The following MICAL3 variants were observed in gnomAD, a reference collection of about 807,000 sequenced individuals.
The protein encoded by MICAL3 is microtubule associated monooxygenase, calponin and LIM domain containing 3, also known as [F-actin]-monooxygenase MICAL3.
Under a neutral mutation model 207.4 loss-of-function variants are expected in MICAL3, and 62 were observed. That is an observed-to-expected ratio of 0.30 (90% CI 0.24 to 0.37). MICAL3 has a LOEUF of 0.37. MICAL3 is among the 10% of genes least tolerant of loss of function. The pLI, the probability that MICAL3 is intolerant of heterozygous loss-of-function variation, is 1.00. For missense variants in MICAL3, 2,368 were observed against 2,635.6 expected, an observed-to-expected ratio of 0.90 and a Z score of 2.22; for synonymous variants, 1,077 against 1,069.3, an observed-to-expected ratio of 1.01 and a Z score of -0.14.
intron 5 of MICAL3, among the ~76,000 whole-genome samples, 185 bp downstream of exon 5, chr22:17,901,693 T>A (rs1313774770): frequency 6.6e-6 from 1 of 151,876 alleles, no homozygotes; most frequent in Non-Finnish European, 1.5e-5. Context: ...TTAAATAAAA[T>A]AAAAGCAGCA....
chr22:17,919,089 T>TTTTTTTTTTTTTTTTTTC, intron 1 of MICAL3, among the ~76,000 whole-genome samples: 1 of 151,474 alleles, frequency 6.6e-6, no homozygotes, highest in Admixed American at 6.6e-5. Context: ...TTTTTTTTTT[T>TTTTTTTTTTTTTTTTTTC]TGAGACAGGC....
At chr22:17,988,237 G>A (rs989256280) in intron 1 of MICAL3, among the ~76,000 whole-genome samples, 4 of 152,184 alleles carry the variant, frequency 2.6e-5, no homozygotes, top group East Asian at 1.9e-4. Context: ...TATCCGGGGC[G>A]CTGCCCTCTC....
chr22:17,984,938 A>G (rs1936085646), intron 1 of MICAL3, among the ~76,000 whole-genome samples: 1 of 152,096 alleles, frequency 6.6e-6, no homozygotes, highest in African/African-American at 2.4e-5. Context: ...TCCACCTCTC[A>G]GTAAGCATGA....
At chr22:18,018,990 G>A (rs1924258538) in intron 1 of MICAL3, among the ~76,000 whole-genome samples, 1 of 152,086 alleles carries the variant, frequency 6.6e-6, no homozygotes, top group South Asian at 2.1e-4. Context: ...CCAGGAGTTG[G>A]AGGCCAGCCT....
intron 1 of MICAL3, among the ~76,000 whole-genome samples, chr22:17,926,938 TAA>T (rs1932952083): frequency 7.2e-6 from 1 of 138,962 alleles, no homozygotes; most frequent in Admixed American, 7.0e-5. Context: ...AAGATATATA[TAA>T]CATAAAAGTT....
intron 19 of MICAL3, among the ~76,000 whole-genome samples, chr22:17,845,956 G>A (rs1924592281): frequency 1.3e-5 from 2 of 152,218 alleles, no homozygotes. Context: ...CTAATGGGTT[G>A]TCAGGCAACA....
At position 17,827,624 on chromosome 22, in the gene MICAL3, C is replaced by G; in HGVS notation, c.3193+20G>C. 1.6e-5 allele frequency: 24 copies of G among 1,547,074 alleles called. No individual in the cohort carries two copies. The highest frequency in any genetic ancestry group is 2.0e-5 in the Non-Finnish European group (23 of 1,144,724). On this transcript the variant is annotated intron_variant, in intron 22 of 31. Transcript: ENST00000441493. ...GGTGGTGCTCGGGGCACACTGCGGC[C>G]TGGGGCTGGGAGTGTTTACCTCCGG... is the stretch of plus-strand genomic sequence containing the variant.
At chr22:17,881,919 C>G (rs1929470593) in intron 16 of MICAL3, among the ~76,000 whole-genome samples, 1 of 152,218 alleles carries the variant, frequency 6.6e-6, no homozygotes, top group Non-Finnish European at 1.5e-5. Context: ...ACCGTATTCC[C>G]TTCGAGAGTC....
intron 1 of MICAL3, among the ~76,000 whole-genome samples, chr22:17,981,712 T>A (rs143590170): frequency 0.015 from 2,272 of 152,214 alleles, 23 homozygotes; most frequent in South Asian, 0.032. Context: ...ACACAGCAGG[T>A]GTGATGGCAC....
intron 1 of MICAL3, among the ~76,000 whole-genome samples, chr22:18,013,325 T>C (rs924928150): frequency 2.0e-5 from 3 of 152,252 alleles, no homozygotes; most frequent in African/African-American, 7.2e-5. Context: ...ATTGCTGTTG[T>C]TTACAATCAG....
chr22:17,822,145 C>T lies in MICAL3; in HGVS notation c.3333G>A (p.Ser1111=), dbSNP rs536343609. The change falls in exon 24 of 32, where the codon TCG becomes TCA. Residue 1111 remains serine, a synonymous_variant. Coordinates refer to ENST00000441493, the MANE Select transcript of MICAL3 (RefSeq NM_015241.3). The part of the protein sequence containing the change: ...DDDQHWSDSP[S]DADRELRLPC... ...GCAAACGCAGCTCTCTGTCAGCATC[C>T]GACGGGCTGTCAGACCAGTGCTGAT... 3.7e-5 allele frequency: 59 copies of T among 1,613,790 alleles called. 1 individual carries two copies. In the South Asian group the frequency reaches 5.6e-4, roughly 15 times the overall value.
In MICAL3 at chr22:17,957,743, C is replaced by T. The variant is rs548343633; in HGVS notation, c.-74-50857G>A. 2.0e-3 allele frequency among the ~76,000 whole-genome samples: 281 copies of T among 138,380 alleles called. 2 individuals carry two copies. The highest frequency in any genetic ancestry group is 2.4e-3 in the Admixed American group (33 of 13,646). 90.8% of individuals were successfully genotyped at this position (138,380 alleles called of 152,430 possible). ...AAAAAAAAAAGAGAGAGAAAGAAAA[C>T]GAGAGAGAGAGAGAGAGAGAATGAA... On this transcript the variant is annotated intron_variant, in intron 1 of 31. Transcript: ENST00000441493.
At chr22:17,973,930 T>G (rs1279162136) in intron 1 of MICAL3, among the ~76,000 whole-genome samples, 4 of 152,050 alleles carry the variant, frequency 2.6e-5, no homozygotes, top group Non-Finnish European at 5.9e-5. Flanking sequence ...AGATTAAATT[T>G]AAAAATGTTT....
chr22:18,013,985 C>T lies in MICAL3; in HGVS notation c.-75+10296G>A, dbSNP rs565634276. Among the ~76,000 whole-genome samples the T allele has an allele frequency of 6.6e-5, 10 of 151,934 alleles. No individual in the cohort carries two copies. The South Asian group carries it at 1.0e-3, about 16-fold the overall frequency. ...CTAATTTTTAAAGTTTTTGTAGAAA[C>T]GGGGTCTTACCATGTTGCCCAGGCT... On this transcript the variant is annotated intron_variant, in intron 1 of 31. Coordinates refer to ENST00000441493, the MANE Select transcript of MICAL3 (RefSeq NM_015241.3).
chr22:17,968,247 G>GC (rs1023674169), intron 1 of MICAL3, among the ~76,000 whole-genome samples: 20 of 152,222 alleles, frequency 1.3e-4, no homozygotes, highest in Middle Eastern at 3.4e-3. Flanking sequence ...CAGATAGCGT[G>GC]CCCAGTGCCG....
chr22:17,852,105 G>C (rs1244154459), intron 19 of MICAL3, among the ~76,000 whole-genome samples: 5 of 152,164 alleles, frequency 3.3e-5, no homozygotes, highest in African/African-American at 9.7e-5. Flanking sequence ...CACAGCCTCA[G>C]GCAGGCTCGG....
At chr22:17,906,925 G>T (rs1176415531) in intron 1 of MICAL3, 39 bp from the exon 2 acceptor site, 3 of 1,058,514 alleles carry the variant, frequency 2.8e-6, no homozygotes, top group East Asian at 4.8e-5. Context: ...GCATTTCTCT[G>T]TCTACAAACA....
intron 18 of MICAL3, among the ~76,000 whole-genome samples, 182 bp from the exon 19 acceptor site, chr22:17,865,168 C>T (rs765101951): frequency 2.0e-5 from 3 of 151,560 alleles, no homozygotes; most frequent in East Asian, 1.9e-4. Context: ...TGGAGTGCAG[C>T]GGCATCATCA....
chr22:17,865,793 A>AT, intron 18 of MICAL3, 131 bp downstream of exon 18: 1 of 726,208 alleles, frequency 1.4e-6, no homozygotes, highest in South Asian at 1.5e-5. Flanking sequence ...CTGCCACTGC[A>AT]TTTCGGGCCC....
Sources: allele counts gnomAD v4.1 joint callset (sites outside exome capture counted in the v4.1 genomes callset), GRCh38; gene constraint gnomAD v4.1.1; transcripts MANE v1.5; gene names NCBI Gene and HGNC (gene_info 2026-07-23, HGNC 2026-07-21).